Variants in HERC2 observed in about 807,000 individuals in gnomAD.
HERC2 encodes HECT and RLD domain containing E3 ubiquitin protein ligase 2.
A neutral mutation model predicts 537.7 loss-of-function variants in HERC2; 102 were observed. The observed-to-expected ratio is 0.19, with a 90% CI of 0.16 to 0.22. The LOEUF is 0.22. HERC2 is among the 10% of genes least tolerant of loss of function. The pLI, the probability that HERC2 is intolerant of heterozygous loss-of-function variation, is 1.00. For missense variants in HERC2, 4,236 were observed against 6,198.2 expected, an observed-to-expected ratio of 0.68 and a Z score of 10.63; for synonymous variants, 2,224 against 2,466.2, an observed-to-expected ratio of 0.90 and a Z score of 2.91.
chr15:28,284,113 A>T (rs1368822049), intron 4 of HERC2, among the ~76,000 whole-genome samples: 2 of 152,176 alleles, frequency 1.3e-5, no homozygotes, highest in Non-Finnish European at 2.9e-5. Context: ...TGGAATTTTC[A>T]ATTTGGGGGC....
chr15:28,312,401 G>A (rs1327652389), intron 2 of HERC2, among the ~76,000 whole-genome samples: 19 of 152,380 alleles, frequency 1.2e-4, no homozygotes, highest in African/African-American at 3.6e-4. Flanking sequence ...GGGAGGCCAA[G>A]ACAGAAGAAC....
chr15:28,186,418 AAAAAATACAATTTTTGG>A (rs1401628181), intron 56 of HERC2, among the ~76,000 whole-genome samples, 142 bp downstream of exon 56: 2 of 152,214 alleles, frequency 1.3e-5, no homozygotes, highest in African/African-American at 2.4e-5. Context: ...TTTATTTTTT[AAAAAATACAATTTTTGG>A]AAACAACTGT....
chr15:28,223,543 G>C (rs1000219546), intron 35 of HERC2, among the ~76,000 whole-genome samples: 3 of 152,148 alleles, frequency 2.0e-5, no homozygotes, highest in African/African-American at 4.8e-5. Context: ...CCAAGGAAGG[G>C]ACAGGAGTTG....
rs373911530 is a variant in HERC2 at position 28,217,350 on chromosome 15, C to T, written c.6028+1139G>A. Among the ~76,000 whole-genome samples the T allele has an allele frequency of 4.3e-3, 658 of 151,608 alleles. 5 individuals carry two copies. The highest frequency in any genetic ancestry group is 0.015 in the African/African-American group (618 of 41,488). ...TCTCATGGACACACACCCACACAAC[C>T]ACATGCTACCAACACACCATCACAC... is the stretch of plus-strand genomic sequence containing the variant. On this transcript the variant is annotated intron_variant, in intron 38 of 92. Coordinates refer to ENST00000261609, the MANE Select transcript of HERC2 (RefSeq NM_004667.6).
At chr15:28,290,207 T>A (rs2076275728) in intron 4 of HERC2, among the ~76,000 whole-genome samples, 1 of 152,128 alleles carries the variant, frequency 6.6e-6, no homozygotes, top group African/African-American at 2.4e-5. Context: ...CTCCTAACAG[T>A]GAATAGAACA....
At chr15:28,311,236 G>A (rs1248838105) in intron 2 of HERC2, among the ~76,000 whole-genome samples, 2 of 151,882 alleles carry the variant, frequency 1.3e-5, no homozygotes, top group African/African-American at 4.8e-5. Context: ...AGGCCGAGGT[G>A]GGCAGACTGC....
intron 71 of HERC2, 116 bp from the exon 72 acceptor site, chr15:28,144,920 A>G: frequency 7.4e-7 from 1 of 1,345,836 alleles, no homozygotes; most frequent in Non-Finnish European, 1.0e-6. Flanking sequence ...AGTTCCTCCA[A>G]TCCAAGCTCT....
rs755462370 is a variant in HERC2, at chr15:28,229,249, C to A, written c.5218G>T (p.Val1740Leu). 6.2e-7 allele frequency: 1 copy of A among 1,613,780 alleles called. No homozygotes were observed. The highest frequency in any genetic ancestry group is 8.5e-7 in the Non-Finnish European group (1 of 1,179,792). Residue 1740 changes from valine (V) to leucine (L), a missense_variant, in exon 34 of 93, where the codon GTA (valine) becomes TTA (leucine). Transcript: ENST00000261609. ...ATCAAAACATTTCGAATGTTCTGTACAGCCCAAGCGTACAGCTTGCCAAAG... is the reference window on the plus strand; with the variant it reads ...ATCAAAACATTTCGAATGTTCTGTAAAGCCCAAGCGTACAGCTTGCCAAAG... ...VTFGKLYAWA[V>L]QNIRNVLMDA...
At chr15:28,287,797 T>C (rs530028806) in intron 4 of HERC2, among the ~76,000 whole-genome samples, 12 of 150,998 alleles carry the variant, frequency 7.9e-5, no homozygotes, top group South Asian at 2.1e-4. Context: ...AATCTTGGCT[T>C]ACTGCAAGCT....
At chr15:28,117,711 C>T (rs956625253) in intron 86 of HERC2, 1 of 375,072 alleles carries the variant, frequency 2.7e-6, no homozygotes, top group African/African-American at 2.1e-5. Context: ...ATCCCATTTC[C>T]AAGCCTTGGG....
At chr15:28,125,433 CCT>C (rs1301439184) in intron 83 of HERC2, among the ~76,000 whole-genome samples, 1 of 152,172 alleles carries the variant, frequency 6.6e-6, no homozygotes, top group South Asian at 2.1e-4. Context: ...CTCCACAGCC[CCT>C]GTTGGCCACC....
chr15:28,153,045 G>A (rs2142347859), intron 69 of HERC2, among the ~76,000 whole-genome samples: 1 of 152,294 alleles, frequency 6.6e-6, no homozygotes, highest in East Asian at 1.9e-4. Flanking sequence ...TGAAGCTTAG[G>A]GATGATCTAT....
At chr15:28,202,650 G>C in intron 45 of HERC2, 36 bp from the exon 46 acceptor site, 1 of 512,606 alleles carries the variant, frequency 2.0e-6, no homozygotes, top group East Asian at 3.0e-5. Context: ...GATTTGGGAA[G>C]TGCCCTCAGC....
chr15:28,233,773 C>A lies in HERC2; in HGVS notation c.4242G>T (p.Arg1414Ser). The A allele has an allele frequency of 6.2e-7, 1 of 1,612,576 alleles. No individual in the cohort carries two copies. Among genetic ancestry groups the A allele is most frequent in the Middle Eastern group, 2.0e-4 (1 of 5,090 alleles). Residue 1414 changes from arginine (R) to serine (S), a missense_variant, in exon 28 of 93, where the codon AGG becomes AGT. By Grantham distance (110) the Arg-to-Ser change is moderately radical. Around this residue, in one of 27 missense-constraint regions of HERC2, gnomAD observed 94 missense variants for 174.9 expected, o/e 0.54. Transcript: ENST00000261609. ...NVKDFLCQIE[R>S]YCRQCHLTTP... is the part of the protein sequence containing the mutation. ...TGGTCAAATGGCACTGCCTACAGTA[C>A]CTTTCTATTTGACACAAAAAGTCCT...
intron 24 of HERC2, among the ~76,000 whole-genome samples, 180 bp from the exon 25 acceptor site, chr15:28,238,397 C>T (rs1962780): frequency 0.075 from 11,424 of 152,074 alleles, 1,474 homozygotes; most frequent in African/African-American, 0.26. Context: ...GAAATGAGTT[C>T]CAAGTATTAA....
intron 2 of HERC2, among the ~76,000 whole-genome samples, chr15:28,303,468 T>G (rs1282045661): frequency 6.6e-6 from 1 of 152,244 alleles, no homozygotes; most frequent in African/African-American, 2.4e-5. Flanking sequence ...TAGTATAATT[T>G]TAAGTCAGGT....
At chr15:28,178,024 A>C (rs1311359133) in intron 59 of HERC2, among the ~76,000 whole-genome samples, 1 of 152,202 alleles carries the variant, frequency 6.6e-6, no homozygotes, top group Non-Finnish European at 1.5e-5. Flanking sequence ...TAAAGGCATG[A>C]CCACTCCTAT....
rs373068460 is a variant in HERC2, at chr15:28,228,426, C to A, written c.5273-17G>T. Reference sequence around the variant, plus strand: ...GCTGGATACCTAATGAGCATTGGCACCTACTGACATTTCTTGTGATGGATA... The same window carrying A: ...GCTGGATACCTAATGAGCATTGGCAACTACTGACATTTCTTGTGATGGATA... On this transcript the variant is annotated splice_polypyrimidine_tract_variant and intron_variant, in intron 34 of 92. Transcript: ENST00000261609. 6.2e-7 allele frequency: 1 copy of A among 1,610,334 alleles called. No individual in the cohort carries two copies. Among genetic ancestry groups the A allele is most frequent in the African/African-American group, 1.3e-5 (1 of 74,796 alleles).
rs549139094 is a variant in HERC2, at chr15:28,209,639, G to A, written c.7069+1363C>T. Among the ~76,000 whole-genome samples, 149 of 152,230 alleles carry A rather than the reference G, an allele frequency of 9.8e-4. 1 individual carries two copies. The highest frequency in any genetic ancestry group is 2.1e-3 in the African/African-American group (86 of 41,534). On this transcript the variant is annotated intron_variant, in intron 44 of 92. Transcript: ENST00000261609. The stretch of plus-strand genomic sequence containing the variant: ...ATTACAGGCATGAGCCACCGCGCCA[G>A]GCCTATATATCATTTATATTTTTAA...
Sources: gnomAD v4.1 joint callset for allele counts (sites outside exome capture counted in the v4.1 genomes callset) on GRCh38, gnomAD v4.1.1 for gene constraint, gnomAD v4.1.1 regional missense constraint, MANE v1.5 for transcripts, NCBI Gene and HGNC (gene_info 2026-07-23, HGNC 2026-07-21) for gene names.